The following PRICKLE2 variants were observed in gnomAD, a reference collection of about 807,000 sequenced individuals.
The protein encoded by PRICKLE2 is prickle planar cell polarity protein 2.
In PRICKLE2, 21 loss-of-function variants were observed where a neutral mutation model predicts 81.4. The ratio of observed to expected loss-of-function variants is 0.26; its 90% confidence interval spans 0.18 to 0.37. The LOEUF (loss-of-function observed/expected upper bound fraction) is 0.37, where lower values mean the gene tolerates loss of function less well. Ranked by LOEUF, PRICKLE2 falls within the 10% of genes least tolerant of loss-of-function variation. The pLI is 1.00. For synonymous variants in PRICKLE2, 456 were observed against 421.5 expected, an observed-to-expected ratio of 1.08 and a Z score of -1.00; for missense variants, 940 against 1,109.0, an observed-to-expected ratio of 0.85 and a Z score of 2.16.
At chr3:64,172,263 CT>C (rs1168520676) in intron 2 of PRICKLE2, among the ~76,000 whole-genome samples, 1 of 152,226 alleles carries the variant, frequency 6.6e-6, no homozygotes, top group Non-Finnish European at 1.5e-5. Flanking sequence ...TCAAAACACC[CT>C]TTGCAGATTG....
Position 64,198,647 on chromosome 3 carries a change from G to C in PRICKLE2, c.144+137C>G. The stretch of plus-strand genomic sequence containing the variant: ...TCCTCATTTTCCACTGGGGCCCCTG[G>C]CATCTTCAACATATTTAGCCCTACC... On this transcript the variant is annotated intron_variant, in intron 2 of 7. Coordinates refer to ENST00000638394, the MANE Select transcript of PRICKLE2 (RefSeq NM_198859.4). 3.2e-6 allele frequency: 3 copies of C among 925,914 alleles called. No individual in the cohort carries two copies. In the East Asian group the frequency reaches 7.5e-5, roughly 23 times the overall value. The allele number at this position is 925,914 out of a possible 1,614,324, so 57.4% of individuals were successfully genotyped here. A position where few individuals can be genotyped will look rare whatever the true frequency, so the allele number is the denominator to read the frequency against.
At chr3:64,152,712 C>T (rs977210810) in intron 6 of PRICKLE2, among the ~76,000 whole-genome samples, 1 of 152,156 alleles carries the variant, frequency 6.6e-6, no homozygotes, top group Non-Finnish European at 1.5e-5. Context: ...GAGCTTCCCC[C>T]ACTGCCCTGA....
At chr3:64,159,173 A>T (rs990308657) in intron 4 of PRICKLE2, among the ~76,000 whole-genome samples, 7 of 152,180 alleles carry the variant, frequency 4.6e-5, no homozygotes, top group African/African-American at 1.7e-4. Flanking sequence ...GGTCCCAGGG[A>T]GAATGCCTCT....
intron 2 of PRICKLE2, chr3:64,194,251 C>T (rs1180462714): frequency 3.3e-5 from 5 of 152,134 alleles, no homozygotes; most frequent in African/African-American, 1.2e-4. Context: ...CACTTTTTCA[C>T]TCTGCTGAAT....
At chr3:64,191,865 T>A (rs558648235) in intron 2 of PRICKLE2, among the ~76,000 whole-genome samples, 1 of 152,214 alleles carries the variant, frequency 6.6e-6, no homozygotes, top group East Asian at 1.9e-4. Context: ...CTCCCGAGAT[T>A]CGGATGGGGA....
At chr3:64,259,922 A>G (rs1483001075) in intron 2 of PRICKLE2, among the ~76,000 whole-genome samples, 1 of 152,194 alleles carries the variant, frequency 6.6e-6, no homozygotes, top group African/African-American at 2.4e-5. Flanking sequence ...TAAGCCACCA[A>G]GATTGTGGTA....
chr3:64,262,514 T>C (rs1031448462), intron 2 of PRICKLE2, among the ~76,000 whole-genome samples: 1 of 151,846 alleles, frequency 6.6e-6, no homozygotes, highest in African/African-American at 2.4e-5. Flanking sequence ...GTGACTCCAC[T>C]AGTCAAGAGT....
intron 1 of PRICKLE2, among the ~76,000 whole-genome samples, chr3:64,205,114 A>AC (rs939553943): frequency 7.9e-5 from 12 of 151,724 alleles, no homozygotes; most frequent in Non-Finnish European, 1.6e-4. Flanking sequence ...AAAAAAAAAA[A>AC]AACATACAAA....
chr3:64,237,907 TCTC>T (rs2079206681), intron 2 of PRICKLE2, among the ~76,000 whole-genome samples: 1 of 152,096 alleles, frequency 6.6e-6, no homozygotes, highest in African/African-American at 2.4e-5. Context: ...TGTCCATCAT[TCTC>T]CTCCTCCAAG....
chr3:64,153,071 T>A, intron 6 of PRICKLE2, 111 bp downstream of exon 6: 1 of 1,024,750 alleles, frequency 9.8e-7, no homozygotes, highest in Non-Finnish European at 1.5e-6. Flanking sequence ...TTCAGTTAAG[T>A]TAGCATGAGT....
At position 64,121,620 on chromosome 3, in the gene PRICKLE2, T is replaced by A. The variant is rs1439944872; in HGVS notation, c.1661-21695A>T. ...TTTGTTAGTCACAATTTTTTTTGTATGAATTTTAATGCTTAAAATATTCCT... is the reference window on the plus strand; with the variant it reads ...TTTGTTAGTCACAATTTTTTTTGTAAGAATTTTAATGCTTAAAATATTCCT... On this transcript the variant is annotated intron_variant, in intron 7 of 7. Coordinates refer to ENST00000638394, the MANE Select transcript of PRICKLE2 (RefSeq NM_198859.4). Among the ~76,000 whole-genome samples the A allele has an allele frequency of 2.0e-5, 3 of 152,334 alleles. No individual in the cohort carries two copies. In the East Asian group the frequency reaches 5.8e-4, roughly 29 times the overall value.
At chr3:64,243,682 C>T (rs1404511857) in intron 2 of PRICKLE2, among the ~76,000 whole-genome samples, 2 of 152,130 alleles carry the variant, frequency 1.3e-5, no homozygotes, top group Non-Finnish European at 2.9e-5. Flanking sequence ...AAGCCCTTAG[C>T]AGAGTGCCTG....
chr3:64,092,713 C>A lies in PRICKLE2; in HGVS notation c.*6338G>T, dbSNP rs1042998776. 2 of 152,188 alleles carry A rather than the reference C, an allele frequency of 1.3e-5. No homozygotes were observed. The highest frequency in any genetic ancestry group is 2.9e-5 in the Non-Finnish European group (2 of 68,044). The allele number at this position is 152,188 out of a possible 1,614,324, so 9.4% of individuals were successfully genotyped here. On this transcript the variant is annotated 3_prime_UTR_variant, in exon 8 of 8. Coordinates refer to ENST00000638394, the MANE Select transcript of PRICKLE2 (RefSeq NM_198859.4). ...ATATTTTTGGGTCATCTGCTGCTTT[C>A]AATTCTTGCTAATAACTGAAAATTA...
At chr3:64,240,298 C>G (rs1215374285) in intron 2 of PRICKLE2, among the ~76,000 whole-genome samples, 1 of 152,110 alleles carries the variant, frequency 6.6e-6, no homozygotes, top group East Asian at 1.9e-4. Context: ...TACTCCAGGT[C>G]TAATCAAGTT....
rs2079014118 is a variant in PRICKLE2 at position 64,225,205 on chromosome 3, C to T, written c.-336G>A. On this transcript the variant is annotated 5_prime_UTR_variant, in exon 1 of 8. Coordinates refer to ENST00000638394, the MANE Select transcript of PRICKLE2 (RefSeq NM_198859.4). ...GAAAAAAAGTATGACTTCTACTCTT[C>T]CTCTAGATCAGCCTGAGTGCTCAGA... is the stretch of plus-strand genomic sequence containing the variant. The T allele has an allele frequency of 1.4e-5, 14 of 985,454 alleles. No individual in the cohort carries two copies. Among genetic ancestry groups the T allele is most frequent in the Non-Finnish European group, 1.7e-5 (14 of 829,988 alleles). The allele number at this position is 985,454 out of a possible 1,614,324, so 61.0% of individuals were successfully genotyped here.
intron 2 of PRICKLE2, chr3:64,175,260 T>C (rs929218271): frequency 6.5e-6 from 1 of 153,836 alleles, no homozygotes; most frequent in East Asian, 1.9e-4. Context: ...GAACCTATTA[T>C]GCTTGTATTC....
intron 2 of PRICKLE2, among the ~76,000 whole-genome samples, chr3:64,265,443 A>G (rs187246927): frequency 6.6e-6 from 1 of 152,254 alleles, no homozygotes; most frequent in Admixed American, 6.5e-5. Flanking sequence ...GCGCTCTCCT[A>G]CTTTATGATA....
At chr3:64,231,833 A>G (rs559427881) in intron 2 of PRICKLE2, among the ~76,000 whole-genome samples, 2 of 152,302 alleles carry the variant, frequency 1.3e-5, no homozygotes, top group Admixed American at 1.3e-4. Flanking sequence ...AGAGGTCCAA[A>G]GAGGATAAAA....
intron 2 of PRICKLE2, among the ~76,000 whole-genome samples, chr3:64,246,925 C>T (rs1032943212): frequency 3.3e-5 from 5 of 152,164 alleles, no homozygotes; most frequent in South Asian, 2.1e-4. Flanking sequence ...AGGAGGGGCA[C>T]GATGTAGCCA....
Sources: gnomAD v4.1 joint callset for allele counts (sites outside exome capture counted in the v4.1 genomes callset) on GRCh38, gnomAD v4.1.1 for gene constraint, MANE v1.5 for transcripts, NCBI Gene and HGNC (gene_info 2026-07-23, HGNC 2026-07-21) for gene names.